The following FAM107B variants were observed in gnomAD, a reference collection of about 807,000 sequenced individuals.
FAM107B encodes the protein protein FAM107B.
A neutral mutation model predicts 31.5 loss-of-function variants in FAM107B; 21 were observed. The observed-to-expected ratio is 0.67, with a 90% CI of 0.47 to 0.96. The LOEUF is 0.96. Ranked by LOEUF, FAM107B falls within the 40% of genes least tolerant of loss-of-function variation. The pLI, the probability that FAM107B is intolerant of heterozygous loss-of-function variation, is 0.00. For synonymous variants in FAM107B, 157 were observed against 141.5 expected (o/e 1.11, Z -0.78); for missense variants, 452 against 377.1 (o/e 1.20, Z -1.64).
intron 1 of FAM107B, among the ~76,000 whole-genome samples, chr10:14,706,074 T>G (rs12782389): frequency 0.25 from 38,464 of 152,066 alleles, 5,408 homozygotes; most frequent in Middle Eastern, 0.4. Context: ...ACAACTCTGT[T>G]GAACAGAGGA....
intron 2 of FAM107B, among the ~76,000 whole-genome samples, chr10:14,629,435 TTATATATATATTA>T (rs1564606885): frequency 1.8e-4 from 2 of 10,978 alleles, no homozygotes; most frequent in African/African-American, 1.1e-3. Context: ...ATAATATATA[TTATATATATATTA>T]TATATATATT....
intron 1 of FAM107B, among the ~76,000 whole-genome samples, chr10:14,724,522 C>A (rs928732675): frequency 6.6e-6 from 1 of 152,276 alleles, no homozygotes; most frequent in Middle Eastern, 3.4e-3. Context: ...TTGCAGATAA[C>A]CCACATGGTC....
At chr10:14,615,026 G>A (rs1852815632) in intron 2 of FAM107B, among the ~76,000 whole-genome samples, 1 of 152,108 alleles carries the variant, frequency 6.6e-6, no homozygotes, top group African/African-American at 2.4e-5. Flanking sequence ...TGTTTTGCTT[G>A]TTTTTAAAAA....
chr10:14,685,432 G>A (rs563108168), intron 1 of FAM107B, among the ~76,000 whole-genome samples: 3 of 152,246 alleles, frequency 2.0e-5, no homozygotes, highest in South Asian at 4.1e-4. Flanking sequence ...GGATTATAGT[G>A]TGAGCCACTG....
At chr10:14,663,604 G>C (rs1174345456) in intron 2 of FAM107B, 1 of 152,116 alleles carries the variant, frequency 6.6e-6, no homozygotes, top group Non-Finnish European at 1.5e-5. Context: ...TCTTATAAAT[G>C]GGCTAATGTA....
intron 2 of FAM107B, among the ~76,000 whole-genome samples, chr10:14,567,631 G>T (rs957665259): frequency 6.6e-6 from 1 of 152,156 alleles, no homozygotes; most frequent in African/African-American, 2.4e-5. Flanking sequence ...GTGAAGTAAG[G>T]GATTCCAGTG....
chr10:14,747,272 C>A (rs184236128), intron 1 of FAM107B, among the ~76,000 whole-genome samples: 6 of 152,282 alleles, frequency 3.9e-5, no homozygotes, highest in Admixed American at 2.0e-4. Context: ...CATTATTACT[C>A]GCCTTCTGAA....
chr10:14,723,683 T>C (rs1855965605), intron 1 of FAM107B: 2 of 751,068 alleles, frequency 2.7e-6, no homozygotes, highest in Non-Finnish European at 4.9e-6. Flanking sequence ...CTGGGGTCAG[T>C]AACCACAAGA....
At chr10:14,537,327 G>A (rs1216911827) in intron 2 of FAM107B, among the ~76,000 whole-genome samples, 1 of 152,222 alleles carries the variant, frequency 6.6e-6, no homozygotes, top group African/African-American at 2.4e-5. Context: ...CCTGTCACTT[G>A]GTCCTCATAC....
chr10:14,601,905 A>C (rs1387345665), intron 2 of FAM107B, among the ~76,000 whole-genome samples: 1 of 152,238 alleles, frequency 6.6e-6, no homozygotes, highest in Non-Finnish European at 1.5e-5. Flanking sequence ...AACAATTAAC[A>C]GTCAAAGGAA....
intron 2 of FAM107B, among the ~76,000 whole-genome samples, chr10:14,595,484 G>A (rs1408428225): frequency 7.4e-6 from 1 of 134,386 alleles, no homozygotes; most frequent in African/African-American, 2.7e-5. Context: ...GGAGTACAGT[G>A]GTTCGAGCTC....
At chr10:14,571,935 T>C (rs530338324) in intron 2 of FAM107B, 22 of 985,400 alleles carry the variant, frequency 2.2e-5, no homozygotes, top group East Asian at 2.3e-4. Context: ...TCAGTAGATA[T>C]AGGCAGGCTC....
intron 1 of FAM107B, among the ~76,000 whole-genome samples, chr10:14,679,267 C>T (rs1854768839): frequency 6.6e-6 from 1 of 152,096 alleles, no homozygotes; most frequent in African/African-American, 2.4e-5. Flanking sequence ...ATATGTGGGA[C>T]TACAAGCACA....
In FAM107B at chr10:14,628,112, G is replaced by GTTTTTTTTTGTTTTTTTTTTTTTTT. The variant is rs58879328; in HGVS notation, c.469+39521_469+39522insAAAAAAAAAAAAAAACAAAAAAAAA. On this transcript the variant is annotated intron_variant, in intron 2 of 4. Coordinates refer to ENST00000181796, the MANE Select transcript of FAM107B (RefSeq NM_031453.4). ...TCCTTGTTTGTTTTTTGTTTTGCTG[G>GTTTTTTTTTGTTTTTTTTTTTTTTT]TTTTTTTTTTTTTTTTTTTTTGAGA... Among the ~76,000 whole-genome samples, 69 of 92,682 alleles carry GTTTTTTTTTGTTTTTTTTTTTTTTT rather than the reference G, an allele frequency of 7.4e-4. 5 individuals carry two copies. The highest frequency in any genetic ancestry group is 2.7e-3 in the South Asian group (6 of 2,190). 60.8% of individuals were successfully genotyped at this position (92,682 alleles called of 152,430 possible). A position where few individuals can be genotyped will look rare whatever the true frequency, so the allele number is the denominator to read the frequency against.
intron 1 of FAM107B, chr10:14,724,139 T>A (rs1458150768): frequency 1.9e-6 from 1 of 521,896 alleles, no homozygotes; most frequent in African/African-American, 1.9e-5. Flanking sequence ...AAAGGCTGCA[T>A]GTATCTTCTA....
intron 2 of FAM107B, among the ~76,000 whole-genome samples, chr10:14,611,451 C>A (rs1852720257): frequency 7.0e-6 from 1 of 142,152 alleles, no homozygotes; most frequent in South Asian, 2.2e-4. Flanking sequence ...CTTTGGAATG[C>A]TTATATTATT....
chr10:14,629,306 TA>T (rs1385701989), intron 2 of FAM107B, among the ~76,000 whole-genome samples: 108 of 72,006 alleles, frequency 1.5e-3, no homozygotes, highest in Non-Finnish European at 2.0e-3. Flanking sequence ...TATAAATATA[TA>T]ATATATATAA....
intron 2 of FAM107B, among the ~76,000 whole-genome samples, chr10:14,539,952 G>C (rs1848011993): frequency 6.6e-6 from 1 of 152,146 alleles, no homozygotes; most frequent in Non-Finnish European, 1.5e-5. Context: ...TGTCCCCTAG[G>C]TTCAGCCAAC....
chr10:14,770,871 A>G (rs1013833382), intron 1 of FAM107B, among the ~76,000 whole-genome samples: 3 of 147,532 alleles, frequency 2.0e-5, no homozygotes, highest in Middle Eastern at 6.8e-3. Context: ...TGAACCAGAT[A>G]TTGTTTCCAA....
Sources: gnomAD v4.1 joint callset for allele counts (sites outside exome capture counted in the v4.1 genomes callset) on GRCh38, gnomAD v4.1.1 for gene constraint, MANE v1.5 for transcripts, NCBI Gene and HGNC (gene_info 2026-07-23, HGNC 2026-07-21) for gene names.